PRSS54: variants seen among roughly 807,000 people sequenced by gnomAD.
The protein encoded by PRSS54 is inactive serine protease 54.
In PRSS54, 16 loss-of-function variants were observed where a neutral mutation model predicts 19.9. The observed-to-expected ratio is 0.80, with a 90% CI of 0.54 to 1.22. The LOEUF (loss-of-function observed/expected upper bound fraction) is 1.22. Among genes scored for constraint, PRSS54 ranks in the 50% most tolerant of loss-of-function variants. The pLI is 0.00. For missense variants in PRSS54, 444 were observed against 494.8 expected (o/e 0.90, Z 0.97); for synonymous variants, 177 against 195.8 (o/e 0.90, Z 0.80).
At chr16:58,283,290 A>C (rs553030440) in intron 6 of PRSS54, 1 of 152,206 alleles carries the variant, frequency 6.6e-6, no homozygotes, top group African/African-American at 2.4e-5. Flanking sequence ...AGAGGATTCT[A>C]TGGGGACGGG....
At chr16:58,290,112 A>G (rs1965006258) in intron 4 of PRSS54, among the ~76,000 whole-genome samples, 1 of 139,642 alleles carries the variant, frequency 7.2e-6, no homozygotes, top group Non-Finnish European at 1.6e-5. Flanking sequence ...AATATCATGT[A>G]TATTACATAT....
rs190913130 is a variant in PRSS54 at position 58,290,514 on chromosome 16, A to G, written c.263+445T>C. Among the ~76,000 whole-genome samples the G allele has an allele frequency of 3.3e-5, 5 of 152,338 alleles. No individual in the cohort carries two copies. The East Asian group carries it at 9.6e-4, about 29-fold the overall frequency. On this transcript the variant is annotated intron_variant, in intron 4 of 6. Transcript: ENST00000567164. ...AATCGTGCGTTCTGAGCATTCAGAG[A>G]TAAGCACTCTTAAAAGCGCTTCTGT... is the stretch of plus-strand genomic sequence containing the variant.
At chr16:58,286,283 T>A in intron 4 of PRSS54, 88 bp from the exon 5 acceptor site, 1 of 1,366,138 alleles carries the variant, frequency 7.3e-7, no homozygotes, top group Non-Finnish European at 1.0e-6. Context: ...TTTTTCAGCC[T>A]GGAACACTCA....
chr16:58,282,746 CT>C (rs1160152969), intron 6 of PRSS54: 1 of 152,284 alleles, frequency 6.6e-6, no homozygotes, highest in Non-Finnish European at 1.5e-5. Flanking sequence ...GTCATGGGGG[CT>C]CCCTGGCCAA....
Position 58,286,036 on chromosome 16 carries a change from A to C in PRSS54, c.423T>G (p.Phe141Leu), listed in dbSNP as rs200514307. 15 of 1,614,226 alleles carry C rather than the reference A, an allele frequency of 9.3e-6. No homozygotes were observed. In the South Asian group the frequency reaches 1.1e-4, roughly 12 times the overall value. The part of the protein sequence containing the change: ...ALLKTDTAMH[F>L]GNLVQSICFL... ...AGCAGATGGACTGGACCAGGTTGCC[A>C]AAATGCATCGCTGTGTCTGTCTTCA... Residue 141 changes from phenylalanine to leucine, a missense_variant, in exon 5 of 7, where the codon TTT becomes TTG. Transcript: ENST00000567164.
intron 6 of PRSS54, chr16:58,282,490 A>G (rs924200772): frequency 6.6e-6 from 1 of 152,376 alleles, no homozygotes; most frequent in African/African-American, 2.4e-5. Context: ...ACCAGAACAG[A>G]GATGAAGACC....
At chr16:58,282,342 T>C (rs961980557) in intron 6 of PRSS54, 1 of 152,314 alleles carries the variant, frequency 6.6e-6, no homozygotes, top group Non-Finnish European at 1.5e-5. Context: ...GGTTTCACGA[T>C]GTTGGCCAGG....
Position 58,291,034 on chromosome 16 carries a change from T to C in PRSS54, c.188A>G (p.Gln63Arg), listed in dbSNP as rs1388553533. The C allele has an allele frequency of 1.9e-6, 3 of 1,614,202 alleles. No homozygotes were observed. The highest frequency in any genetic ancestry group is 2.5e-6 in the Non-Finnish European group (3 of 1,180,038). Residue 63 changes from glutamine (Q) to arginine (R), a missense_variant, in exon 4 of 7, where the codon CAG (glutamine) becomes CGG (arginine). By Grantham distance (43) the Gln-to-Arg change is conservative. Coordinates refer to ENST00000567164, the MANE Select transcript of PRSS54 (RefSeq NM_001305173.2). The stretch of plus-strand genomic sequence containing the variant: ...GCAGCCGAAAGCCAGGTGTGTGTAC[T>C]GGGAGTCCTGCAGCGACACCACCCA... ...FPWVVSLQDS[Q>R]YTHLAFGCIL...
intron 5 of PRSS54, among the ~76,000 whole-genome samples, chr16:58,285,648 G>A (rs574590911): frequency 6.7e-6 from 1 of 149,118 alleles, no homozygotes; most frequent in East Asian, 2.0e-4. Context: ...GCTGAGGCAG[G>A]AAGATCACTT....
intron 6 of PRSS54, chr16:58,281,473 T>C (rs1341648565): frequency 6.6e-6 from 1 of 152,522 alleles, no homozygotes; most frequent in Non-Finnish European, 1.5e-5. Context: ...CCAGCATTTT[T>C]CTGAAAAGTT....
intron 4 of PRSS54, among the ~76,000 whole-genome samples, chr16:58,286,648 G>A (rs1964926776): frequency 6.6e-6 from 1 of 152,150 alleles, no homozygotes; most frequent in Admixed American, 6.5e-5. Context: ...AGAAATTGAA[G>A]TTCTAATGAC....
In PRSS54 at chr16:58,280,591, G is replaced by A; in HGVS notation, c.821C>T (p.Pro274Leu). 6.2e-7 allele frequency: 1 copy of A among 1,614,116 alleles called. No homozygotes were observed. Residue 274 changes from proline (P) to leucine (L), a missense_variant, in exon 7 of 7, where the codon CCC becomes CTC. Coordinates refer to ENST00000567164, the MANE Select transcript of PRSS54 (RefSeq NM_001305173.2). ...ITSKAERAGP[P>L]LSSLHHWEKL... ...TTCCCAGTGGTGGAGTGAGGACAGG[G>A]GAGGGCCGGCCCTCTCAGCCTTGGA...
chr16:58,290,225 A>G (rs1965009785), intron 4 of PRSS54, among the ~76,000 whole-genome samples: 1 of 151,484 alleles, frequency 6.6e-6, no homozygotes, highest in Non-Finnish European at 1.5e-5. Flanking sequence ...TTTCATCCCG[A>G]TAGTGGGACA....
intron 4 of PRSS54, among the ~76,000 whole-genome samples, chr16:58,287,133 A>G (rs375102317): frequency 3.3e-4 from 50 of 152,348 alleles, no homozygotes; most frequent in African/African-American, 1.1e-3. Flanking sequence ...ATTTCAAGAT[A>G]TAATTTAAGA....
chr16:58,284,756 A>G (rs942519078), intron 5 of PRSS54, 35 bp from the exon 6 acceptor site: 2 of 1,612,104 alleles, frequency 1.2e-6, no homozygotes, highest in Non-Finnish European at 1.7e-6. Context: ...GGGATTATTA[A>G]CGAGAAGGCA....
At chr16:58,292,319 G>A (rs925183228) in intron 3 of PRSS54, among the ~76,000 whole-genome samples, 3 of 152,156 alleles carry the variant, frequency 2.0e-5, no homozygotes, top group Non-Finnish European at 4.4e-5. Flanking sequence ...GATTTCAGGA[G>A]CCCATCAGAG....
chr16:58,286,199 G>A lies in PRSS54; in HGVS notation c.264-4C>T, dbSNP rs1964917898. The A allele has an allele frequency of 6.2e-7, 1 of 1,613,542 alleles. No homozygotes were observed. Among genetic ancestry groups the A allele is most frequent in the African/African-American group, 1.3e-5 (1 of 74,918 alleles). On this transcript the variant is annotated splice_region_variant and splice_polypyrimidine_tract_variant and intron_variant, in intron 4 of 6. Transcript: ENST00000567164. Reference sequence around the variant, plus strand: ...CACTATAACGACAATGTCCTTCCTGGAGAGAGAGCAAGGGAATCTTGAGAA... The same window carrying A: ...CACTATAACGACAATGTCCTTCCTGAAGAGAGAGCAAGGGAATCTTGAGAA...
intron 2 of PRSS54, 76 bp from the exon 3 acceptor site, chr16:58,293,898 C>G: frequency 3.2e-6 from 4 of 1,235,228 alleles, no homozygotes; most frequent in Non-Finnish European, 4.6e-6. Flanking sequence ...TTTTTCCATC[C>G]TCTTCCCAAA....
At chr16:58,285,484 C>G (rs9931340) in intron 5 of PRSS54, among the ~76,000 whole-genome samples, 11,860 of 152,172 alleles carry the variant, frequency 0.078, 1,561 homozygotes, top group African/African-American at 0.27. Flanking sequence ...CGCCTGTAAT[C>G]CCAACACTTT....
Sources: allele counts gnomAD v4.1 joint callset (sites outside exome capture counted in the v4.1 genomes callset), GRCh38; gene constraint gnomAD v4.1.1; transcripts MANE v1.5; gene names NCBI Gene and HGNC (gene_info 2026-07-23, HGNC 2026-07-21).